Variants in BRPF1 observed in about 807,000 individuals in gnomAD.
The protein encoded by BRPF1 is bromodomain and PHD finger containing 1.
In BRPF1, 15 loss-of-function variants were observed where a neutral mutation model predicts 115.0. That is an observed-to-expected ratio of 0.13 (90% CI 0.09 to 0.20). BRPF1 has a LOEUF of 0.20. Ranked by LOEUF, BRPF1 falls within the 10% of genes least tolerant of loss-of-function variation. The pLI, the probability that BRPF1 is intolerant of heterozygous loss-of-function variation, is 1.00. For missense variants in BRPF1, 1,118 were observed against 1,638.3 expected (o/e 0.68, Z 5.48); for synonymous variants, 647 against 619.8 (o/e 1.04, Z -0.65).
chr3:9,741,273 C>G (rs1443316869), intron 4 of BRPF1, 35 bp from the exon 5 acceptor site: 1 of 1,535,166 alleles, frequency 6.5e-7, no homozygotes, highest in Non-Finnish European at 8.8e-7. Context: ...CTCTGGCTTT[C>G]TAATCATCCT....
chr3:9,741,240 T>C (rs1048915644), intron 4 of BRPF1, 68 bp from the exon 5 acceptor site: 4 of 1,509,176 alleles, frequency 2.7e-6, no homozygotes, highest in South Asian at 1.3e-5. Context: ...TTTCCTGGGC[T>C]CTCTTCTCCC....
At position 9,745,593 on chromosome 3, in the gene BRPF1, G is replaced by T. The variant is rs745907732; in HGVS notation, c.3089G>T (p.Gly1030Val). The T allele has an allele frequency of 1.2e-6, 2 of 1,614,130 alleles. No individual in the cohort carries two copies. The highest frequency in any genetic ancestry group is 1.7e-6 in the Non-Finnish European group (2 of 1,179,958). Reference protein sequence around the residue: ...DRTSTTPSKQGRGKPSFSRGT... With the variant: ...DRTSTTPSKQVRGKPSFSRGT... ...CACAGCACAACGCCCTCAAAACAAG[G>T]CCGGGGCAAACCCTCCTTCTCTCGG... The change falls in exon 11 of 14, where the codon GGC becomes GTC. Residue 1030 changes from glycine (G) to valine (V), a missense_variant. This residue lies in a region of BRPF1 where 100 missense variants were observed against 109.9 expected (regional missense o/e 0.91). Coordinates refer to ENST00000383829, the MANE Select transcript of BRPF1 (RefSeq NM_001003694.2). The surrounding 1 kb of genome is among the most constrained non-coding windows in gnomAD (Gnocchi z 5.1).
Position 9,745,240 on chromosome 3 carries a change from G to A in BRPF1, c.3068+85G>A, listed in dbSNP as rs2077103370. On this transcript the variant is annotated intron_variant, in intron 10 of 13. Coordinates refer to ENST00000383829, the MANE Select transcript of BRPF1 (RefSeq NM_001003694.2). This position sits in a 1 kb window ranked among gnomAD's most constrained non-coding sequence, Gnocchi z 5.1. ...TGTGTAGGTTTCCCTGTTGGAAGTGGGGTGGCAGCCATCTCAGTCTAGATT... is the reference window on the plus strand; with the variant it reads ...TGTGTAGGTTTCCCTGTTGGAAGTGAGGTGGCAGCCATCTCAGTCTAGATT... 1 of 1,487,134 alleles carries A rather than the reference G, an allele frequency of 6.7e-7. No homozygotes were observed. The highest frequency in any genetic ancestry group is 1.4e-5 in the African/African-American group (1 of 70,390). 92.1% of individuals were successfully genotyped at this position (1,487,134 alleles called of 1,614,324 possible). A position where few individuals can be genotyped will look rare whatever the true frequency, so the allele number is the denominator to read the frequency against.
intron 2 of BRPF1, among the ~76,000 whole-genome samples, chr3:9,735,742 A>G (rs938670787): frequency 1.3e-5 from 2 of 152,202 alleles, no homozygotes; most frequent in South Asian, 2.1e-4. Flanking sequence ...GAGGTAAAAG[A>G]TGAAGGGATA....
In BRPF1 at chr3:9,747,157, A is replaced by C; in HGVS notation, c.3480-9A>C. On this transcript the variant is annotated splice_polypyrimidine_tract_variant and intron_variant, in intron 13 of 13. Transcript: ENST00000383829. The surrounding 1 kb of genome is among the most constrained non-coding windows in gnomAD (Gnocchi z 5.6). ...AGATGATTTATTTGATCTTCACCTT[A>C]TCCTATAGGCAGTGGCTGCCCAGGA... The C allele has an allele frequency of 4.3e-6, 7 of 1,613,962 alleles. No individual in the cohort carries two copies. In the South Asian group the frequency reaches 7.7e-5, roughly 18 times the overall value.
In BRPF1 at chr3:9,734,307, C is replaced by G; in HGVS notation, c.167C>G (p.Thr56Ser). The change falls in exon 2 of 14, where the codon ACT becomes AGT. Residue 56 changes from threonine (T) to serine (S), a missense_variant. Physicochemically the swap from Thr to Ser is moderately conservative, Grantham distance 58. Coordinates refer to ENST00000383829, the MANE Select transcript of BRPF1 (RefSeq NM_001003694.2). The surrounding 1 kb of genome is among the most constrained non-coding windows in gnomAD (Gnocchi z 5.7). ...DHDNPPPPQQTPLRKHKKKGR... is the reference protein window; with the variant it reads ...DHDNPPPPQQSPLRKHKKKGR... Reference sequence around the variant, plus strand: ...GACAACCCACCACCCCCACAACAAACTCCACTCCGCAAGCACAAGAAAAAG... The same window carrying G: ...GACAACCCACCACCCCCACAACAAAGTCCACTCCGCAAGCACAAGAAAAAG... 1.2e-6 allele frequency: 2 copies of G among 1,614,100 alleles called. No individual in the cohort carries two copies. Among genetic ancestry groups the G allele is most frequent in the Non-Finnish European group, 1.7e-6 (2 of 1,180,026 alleles).
chr3:9,734,170 C>T lies in BRPF1; in HGVS notation c.30C>T (p.Phe10=). ...GGGTGGACTTTGATGTGAAGACTTT[C>T]TGCCACAACTTGCGGGCGACTAAGC... MGVDFDVKT[F]CHNLRATKPP... The change falls in exon 2 of 14, where the codon TTC becomes TTT. Residue 10 remains phenylalanine (F), a synonymous_variant. Coordinates refer to ENST00000383829, the MANE Select transcript of BRPF1 (RefSeq NM_001003694.2). This position sits in a 1 kb window ranked among gnomAD's most constrained non-coding sequence, Gnocchi z 5.7. The T allele has an allele frequency of 6.2e-7, 1 of 1,611,212 alleles. No individual in the cohort carries two copies. The highest frequency in any genetic ancestry group is 8.5e-7 in the Non-Finnish European group (1 of 1,177,990).
intron 1 of BRPF1, among the ~76,000 whole-genome samples, chr3:9,733,776 TTGAA>T (rs1452300228): frequency 1.2e-4 from 19 of 152,352 alleles, no homozygotes; most frequent in Admixed American, 5.2e-4. Flanking sequence ...AAGGAGCTCT[TTGAA>T]TGGCATCATA....
At chr3:9,738,943 C>CCT (rs1461819155) in intron 2 of BRPF1, 56 bp from the exon 3 acceptor site, 2 of 1,505,016 alleles carry the variant, frequency 1.3e-6, no homozygotes, top group Admixed American at 4.5e-5. Context: ...GACCCATCAT[C>CCT]TTTAAGGGAG....
rs779289432 is a variant in BRPF1 at position 9,746,371 on chromosome 3, G to A, written c.3396G>A (p.Glu1132=). The A allele has an allele frequency of 9.9e-6, 16 of 1,609,658 alleles. No individual in the cohort carries two copies. The highest frequency in any genetic ancestry group is 1.7e-5 in the Admixed American group (1 of 59,762). The change falls in exon 13 of 14, where the codon GAG becomes GAA. Residue 1132 remains glutamate, a synonymous_variant. Transcript: ENST00000383829. ...TTCCCATCCCTGTGCCCCCACTGGAGGTGCTGAAACTTGGGGAGCAGATGA... is the reference window on the plus strand; with the variant it reads ...TTCCCATCCCTGTGCCCCCACTGGAAGTGCTGAAACTTGGGGAGCAGATGA... ...HGVPIPVPPL[E]VLKLGEQMTQ... is the part of the protein sequence containing the mutation.
chr3:9,734,150 G>C lies in BRPF1; in HGVS notation c.10G>C (p.Asp4His), dbSNP rs2076900114. The change falls in exon 2 of 14, where the codon GAC (aspartate) becomes CAC (histidine). Residue 4 changes from aspartate (D) to histidine (H), a missense_variant. Asp to His is a moderately conservative substitution (Grantham distance 81). Around this residue, in one of 10 missense-constraint regions of BRPF1, gnomAD observed 280 missense variants for 382.8 expected, o/e 0.73. Coordinates refer to ENST00000383829, the MANE Select transcript of BRPF1 (RefSeq NM_001003694.2). The surrounding 1 kb of genome is among the most constrained non-coding windows in gnomAD (Gnocchi z 5.7). MGV[D>H]FDVKTFCHNL... ...TTCTAGATGTGACAGCATGGGGGTG[G>C]ACTTTGATGTGAAGACTTTCTGCCA... The C allele has an allele frequency of 6.2e-7, 1 of 1,605,416 alleles. No individual in the cohort carries two copies. Among genetic ancestry groups the C allele is most frequent in the Non-Finnish European group, 8.5e-7 (1 of 1,174,452 alleles).
In BRPF1 at chr3:9,743,237, A is replaced by G; in HGVS notation, c.2295A>G (p.Thr765=). 6.2e-7 allele frequency: 1 copy of G among 1,613,348 alleles called. No homozygotes were observed. Among genetic ancestry groups the G allele is most frequent in the Non-Finnish European group, 8.5e-7 (1 of 1,179,460 alleles). Residue 765 remains threonine (T), a synonymous_variant, in exon 7 of 14, where the codon ACA becomes ACG. Transcript: ENST00000383829. The surrounding 1 kb of genome is among the most constrained non-coding windows in gnomAD (Gnocchi z 6.1). ...ACAGCCTGGCTGGAGATGAGGCCAC[A>G]CACCACACTGAAGATGGTGGGTGAT... is the stretch of plus-strand genomic sequence containing the variant. ...IPHSLAGDEA[T]HHTEDAAEEE... is the part of the protein sequence containing the mutation.
chr3:9,735,040 T>TTG (rs1291955088), intron 2 of BRPF1, among the ~76,000 whole-genome samples: 10 of 148,200 alleles, frequency 6.7e-5, no homozygotes, highest in African/African-American at 2.5e-4. Context: ...TTTTTTTTTT[T>TTG]GAGACAGGGC....
Position 9,745,891 on chromosome 3 carries a change from G to A in BRPF1, c.3285G>A (p.Val1095=). The A allele has an allele frequency of 6.2e-7, 1 of 1,614,154 alleles. No homozygotes were observed. ...CCCCGCTGGATGCTCTGGACCTCGT[G>A]TGGGCCAAATGCCGAGGCTATCCAT... The part of the protein sequence containing the change: ...EDSPLDALDL[V]WAKCRGYPSY... The change falls in exon 12 of 14, where the codon GTG becomes GTA. Residue 1095 remains valine, a synonymous_variant. Coordinates refer to ENST00000383829, the MANE Select transcript of BRPF1 (RefSeq NM_001003694.2). The surrounding 1 kb of genome is among the most constrained non-coding windows in gnomAD (Gnocchi z 5.1).
At chr3:9,735,994 T>A (rs1432253727) in intron 2 of BRPF1, among the ~76,000 whole-genome samples, 5 of 151,424 alleles carry the variant, frequency 3.3e-5, no homozygotes, top group Admixed American at 2.6e-4. Flanking sequence ...CCACATGATG[T>A]TAAACCTCCA....
rs368514084 is a variant in BRPF1, at chr3:9,745,694, G to A, written c.3190G>A (p.Gly1064Ser). ...NEAYSVGTGR[G>S]VGHSMVRKSL... Reference sequence around the variant, plus strand: ...GGCCTACTCCGTGGGCACTGGCCGCGGCGTGGGCCACAGCAGTAAGTTCCC... The same window carrying A: ...GGCCTACTCCGTGGGCACTGGCCGCAGCGTGGGCCACAGCAGTAAGTTCCC... The change falls in exon 11 of 14, where the codon GGC becomes AGC. Residue 1064 changes from glycine (G) to serine (S), a missense_variant. By Grantham distance (56) the Gly-to-Ser change is moderately conservative (BLOSUM62 0). Coordinates refer to ENST00000383829, the MANE Select transcript of BRPF1 (RefSeq NM_001003694.2). This position sits in a 1 kb window ranked among gnomAD's most constrained non-coding sequence, Gnocchi z 5.1. 1.9e-4 allele frequency: 312 copies of A among 1,614,200 alleles called. 5 individuals are homozygous for A. The South Asian group carries it at 2.7e-3, about 14-fold the overall frequency.
intron 12 of BRPF1, 100 bp from the exon 13 acceptor site, chr3:9,746,200 C>T (rs1197267981): frequency 6.4e-6 from 9 of 1,397,570 alleles, no homozygotes; most frequent in Non-Finnish European, 8.7e-6. Context: ...GCATGATACC[C>T]TCTCTGTCCC....
chr3:9,746,260 A>G, intron 12 of BRPF1, 40 bp from the exon 13 acceptor site: 1 of 1,510,526 alleles, frequency 6.6e-7, no homozygotes, highest in South Asian at 1.3e-5. Flanking sequence ...CCTTGGGAGG[A>G]CATGGACTGA....
At chr3:9,740,671 A>T in intron 3 of BRPF1, 108 bp from the exon 4 acceptor site, 1 of 1,380,888 alleles carries the variant, frequency 7.2e-7, no homozygotes, top group Non-Finnish European at 1.0e-6. Context: ...TGGACAAGAG[A>T]TCCTCTCCCT....
Sources: allele counts gnomAD v4.1 joint callset (sites outside exome capture counted in the v4.1 genomes callset), GRCh38; gene constraint gnomAD v4.1.1; regional missense constraint gnomAD v4.1.1; non-coding constraint Gnocchi (gnomAD v3.1); transcripts MANE v1.5; gene names NCBI Gene and HGNC (gene_info 2026-07-23, HGNC 2026-07-21).